Variants in GRIK4 observed in about 807,000 individuals in gnomAD.
The protein encoded by GRIK4 is glutamate ionotropic receptor kainate type subunit 4.
Under a neutral mutation model 104.9 loss-of-function variants are expected in GRIK4, and 40 were observed. The ratio of observed to expected loss-of-function variants is 0.38; its 90% confidence interval spans 0.30 to 0.50. GRIK4 has a LOEUF of 0.50. GRIK4 is among the 20% of genes least tolerant of loss of function. GRIK4 has a pLI of 0.93. For synonymous variants in GRIK4, 485 were observed against 524.9 expected (o/e 0.92, Z 1.04); for missense variants, 1,047 against 1,308.1 (o/e 0.80, Z 3.08).
chr11:120,546,423 G>A (rs1376168215), intron 1 of GRIK4, among the ~76,000 whole-genome samples: 3 of 152,166 alleles, frequency 2.0e-5, no homozygotes, highest in Non-Finnish European at 2.9e-5. Flanking sequence ...AAGGGACCGC[G>A]CCTGCCTGTG....
intron 1 of GRIK4, among the ~76,000 whole-genome samples, chr11:120,630,622 A>C (rs1949321406): frequency 6.6e-6 from 1 of 152,216 alleles, no homozygotes; most frequent in Admixed American, 6.5e-5. Context: ...GGTAAGGGGG[A>C]ACTCTCTTGG....
chr11:120,861,664 G>A (rs966190236), intron 8 of GRIK4, among the ~76,000 whole-genome samples: 12 of 152,130 alleles, frequency 7.9e-5, no homozygotes, highest in Non-Finnish European at 1.5e-4. Flanking sequence ...AACCCTGTGT[G>A]CCTAGTGCTG....
chr11:120,618,966 A>G (rs146400769), intron 1 of GRIK4, among the ~76,000 whole-genome samples: 59 of 152,242 alleles, frequency 3.9e-4, no homozygotes, highest in African/African-American at 1.3e-3. Flanking sequence ...TGCCTAGTGG[A>G]GCTGTGAGAA....
chr11:120,539,538 G>A (rs563923634), intron 1 of GRIK4, among the ~76,000 whole-genome samples: 1 of 152,336 alleles, frequency 6.6e-6, no homozygotes, highest in African/African-American at 2.4e-5. Flanking sequence ...GCTGCCCCAT[G>A]TGGCCATCGG....
At chr11:120,652,071 C>T (rs188582765) in intron 1 of GRIK4, among the ~76,000 whole-genome samples, 200 of 152,320 alleles carry the variant, frequency 1.3e-3, no homozygotes, top group Non-Finnish European at 2.2e-3. Context: ...ACCTCTCCGC[C>T]TTTGAGTTCC....
intron 19 of GRIK4, among the ~76,000 whole-genome samples, chr11:120,978,221 G>T (rs910782785): frequency 6.6e-6 from 1 of 152,214 alleles, no homozygotes; most frequent in African/African-American, 2.4e-5. Context: ...TCACAGTGTA[G>T]TGGGAAATCC....
chr11:120,959,428 G>T (rs1944239301), intron 16 of GRIK4, among the ~76,000 whole-genome samples: 1 of 152,236 alleles, frequency 6.6e-6, no homozygotes, highest in Non-Finnish European at 1.5e-5. Flanking sequence ...ACACAGCAGT[G>T]GCAAGTTGCC....
intron 11 of GRIK4, among the ~76,000 whole-genome samples, chr11:120,879,238 T>C (rs1234936596): frequency 6.6e-6 from 1 of 152,234 alleles, no homozygotes; most frequent in Middle Eastern, 3.4e-3. Context: ...AAACCCCAAA[T>C]CAAACCCCTT....
intron 2 of GRIK4, among the ~76,000 whole-genome samples, chr11:120,659,776 C>A (rs1216806876): frequency 6.6e-6 from 1 of 152,262 alleles, no homozygotes; most frequent in Non-Finnish European, 1.5e-5. Flanking sequence ...GTCGTCCAGG[C>A]TGGAGTGCAA....
intron 13 of GRIK4, among the ~76,000 whole-genome samples, chr11:120,914,253 C>T (rs553401690): frequency 3.3e-5 from 5 of 152,238 alleles, no homozygotes; most frequent in Admixed American, 2.6e-4. Context: ...CAGTGTGACA[C>T]ATGCTATATT....
In GRIK4 at chr11:120,824,812, AG is replaced by A. The variant is rs766052832; in HGVS notation, c.511+4893del. 1.7e-4 allele frequency among the ~76,000 whole-genome samples: 26 copies of A among 151,694 alleles called. No individual in the cohort carries two copies. In the East Asian group the frequency reaches 1.8e-3, roughly 10 times the overall value. ...TGATCTGCCTGCCTCGGCCTCCCGA[AG>A]TGCTGGGATTACAGCTATGAGCCAC... On this transcript the variant is annotated intron_variant, in intron 6 of 20. Transcript: ENST00000527524.
At chr11:120,691,391 T>C (rs1486140489) in intron 3 of GRIK4, among the ~76,000 whole-genome samples, 1 of 152,176 alleles carries the variant, frequency 6.6e-6, no homozygotes, top group Non-Finnish European at 1.5e-5. Context: ...GACACTTCGA[T>C]GTGTGATTTC....
Position 120,902,179 on chromosome 11 carries a change from A to T in GRIK4, c.1273-3111A>T, listed in dbSNP as rs1368384400. On this transcript the variant is annotated intron_variant, in intron 12 of 20. Transcript: ENST00000527524. This position sits in a 1 kb window ranked among gnomAD's most constrained non-coding sequence, Gnocchi z 4.5. ...ACACTTGGGGACGTGTGGATGGTTT[A>T]TTGGTTAATGCCAGCAAACATGGAA... 6.6e-6 allele frequency among the ~76,000 whole-genome samples: 1 copy of T among 151,900 alleles called. No homozygotes were observed. Among genetic ancestry groups the T allele is most frequent in the Non-Finnish European group, 1.5e-5 (1 of 68,022 alleles).
intron 1 of GRIK4, among the ~76,000 whole-genome samples, chr11:120,596,129 G>T (rs914955745): frequency 1.3e-5 from 2 of 152,158 alleles, no homozygotes; most frequent in Non-Finnish European, 2.9e-5. Flanking sequence ...TACAGGCACG[G>T]GCCACTGTGC....
chr11:120,513,808 G>A lies in GRIK4; in HGVS notation c.-159+1921G>A, dbSNP rs898386719. 6.6e-6 allele frequency among the ~76,000 whole-genome samples: 1 copy of A among 152,134 alleles called. No homozygotes were observed. The highest frequency in any genetic ancestry group is 6.5e-5 in the Admixed American group (1 of 15,270). ...GATGCTCGGGAGGGGAGGTTGAGAGGGGATCTTGGTTTTCTGTGTTTTTCC... is the reference window on the plus strand; with the variant it reads ...GATGCTCGGGAGGGGAGGTTGAGAGAGGATCTTGGTTTTCTGTGTTTTTCC... On this transcript the variant is annotated intron_variant, in intron 1 of 20. Transcript: ENST00000527524. This position sits in a 1 kb window ranked among gnomAD's most constrained non-coding sequence, Gnocchi z 4.5.
At chr11:120,921,762 G>A (rs1223425896) in intron 13 of GRIK4, among the ~76,000 whole-genome samples, 2 of 152,102 alleles carry the variant, frequency 1.3e-5, no homozygotes, top group Non-Finnish European at 2.9e-5. Flanking sequence ...GAGGTCCAGG[G>A]GGAGTTGTCT....
At chr11:120,765,465 C>A (rs1173962479) in intron 3 of GRIK4, among the ~76,000 whole-genome samples, 2 of 152,098 alleles carry the variant, frequency 1.3e-5, no homozygotes, top group African/African-American at 4.8e-5. Context: ...TCTATCAATT[C>A]GTCAAATTCA....
chr11:120,678,768 G>A (rs1950143821), intron 3 of GRIK4, among the ~76,000 whole-genome samples: 1 of 152,012 alleles, frequency 6.6e-6, no homozygotes, highest in Non-Finnish European at 1.5e-5. Flanking sequence ...CATGTAGCTG[G>A]GATTACAGGT....
intron 3 of GRIK4, among the ~76,000 whole-genome samples, chr11:120,797,019 G>T (rs1380975386): frequency 2.6e-5 from 4 of 152,148 alleles, no homozygotes; most frequent in Non-Finnish European, 5.9e-5. Context: ...TCAGAACTGG[G>T]CACAGGGTGA....
Sources: gnomAD v4.1 joint callset for allele counts (sites outside exome capture counted in the v4.1 genomes callset) on GRCh38, gnomAD v4.1.1 for gene constraint, Gnocchi (gnomAD v3.1) non-coding constraint, MANE v1.5 for transcripts, NCBI Gene and HGNC (gene_info 2026-07-23, HGNC 2026-07-21) for gene names.